The following ITPKB variants were observed in gnomAD, a reference collection of about 807,000 sequenced individuals.
ITPKB encodes the protein inositol-trisphosphate 3-kinase B, also known as IP3 3-kinase B.
In ITPKB, 13 loss-of-function variants were observed where a neutral mutation model predicts 69.4. The ratio of observed to expected loss-of-function variants is 0.19; its 90% confidence interval spans 0.12 to 0.30. The LOEUF (loss-of-function observed/expected upper bound fraction) is 0.30, where lower values mean the gene tolerates loss of function less well. ITPKB is among the 10% of genes least tolerant of loss of function. The pLI is 1.00. For synonymous variants in ITPKB, 584 were observed against 513.7 expected (o/e 1.14, Z -1.85); for missense variants, 1,240 against 1,250.5 (o/e 0.99, Z 0.13).
intron 2 of ITPKB, among the ~76,000 whole-genome samples, chr1:226,672,508 C>A (rs1422320163): frequency 6.6e-6 from 1 of 152,208 alleles, no homozygotes; most frequent in Non-Finnish European, 1.5e-5. Context: ...GAGCACTCCC[C>A]AAGGCAACTT....
intron 2 of ITPKB, among the ~76,000 whole-genome samples, chr1:226,729,778 G>A (rs1374633513): frequency 1.3e-5 from 2 of 151,918 alleles, no homozygotes; most frequent in African/African-American, 4.8e-5. Flanking sequence ...AGTATTTTTA[G>A]TAGACGAGGT....
chr1:226,735,836 G>A lies in ITPKB; in HGVS notation c.1623C>T (p.Ala541=), dbSNP rs1210829968. Residue 541 remains alanine (A), a synonymous_variant, in exon 2 of 8, where the codon GCC becomes GCT. Coordinates refer to ENST00000429204, the MANE Select transcript of ITPKB (RefSeq NM_002221.4). The stretch of plus-strand genomic sequence containing the variant: ...GGGGTAGCAGCTCCGGACTTGGGAG[G>A]GCATCACTGTCCTGCCGCTGGCTTT... The part of the protein sequence containing the change: ...TWESQRQDSD[A]LPSPELLPQD... The A allele has an allele frequency of 6.2e-7, 1 of 1,608,696 alleles. No individual in the cohort carries two copies. Among genetic ancestry groups the A allele is most frequent in the East Asian group, 2.2e-5 (1 of 44,674 alleles).
Position 226,737,263 on chromosome 1 carries a change from G to A in ITPKB, c.196C>T (p.Pro66Ser), listed in dbSNP as rs942722979. 45 of 1,553,776 alleles carry A rather than the reference G, an allele frequency of 2.9e-5. No homozygotes were observed. The highest frequency in any genetic ancestry group is 3.5e-5 in the Non-Finnish European group (41 of 1,157,154). ...CCCCCGGGGCTCCGGGGCTCCTCGG[G>A]GGACAGCGACTCGGCTGGGGGGAAG... ...FLFPPAESLSPEEPRSPGGWR... is the reference protein window; with the variant it reads ...FLFPPAESLSSEEPRSPGGWR... The change falls in exon 2 of 8, where the codon CCC becomes TCC. Residue 66 changes from proline (P) to serine (S), a missense_variant. Around this residue, in one of 2 missense-constraint regions of ITPKB, gnomAD observed 992 missense variants for 853.8 expected, o/e 1.16. Transcript: ENST00000429204.
intron 2 of ITPKB, among the ~76,000 whole-genome samples, chr1:226,699,313 C>T (rs1440253949): frequency 2.6e-5 from 4 of 152,226 alleles, no homozygotes; most frequent in African/African-American, 4.8e-5. Flanking sequence ...ATCTCTGCAC[C>T]GCCAAGCACC....
chr1:226,670,828 A>G (rs565698630), intron 2 of ITPKB, among the ~76,000 whole-genome samples: 2 of 152,356 alleles, frequency 1.3e-5, no homozygotes, highest in Admixed American at 1.3e-4. Context: ...AAATTAACCA[A>G]TTAATTAATA....
chr1:226,736,281 G>T lies in ITPKB; in HGVS notation c.1178C>A (p.Pro393Gln), dbSNP rs150169246. 1.9e-6 allele frequency: 3 copies of T among 1,598,180 alleles called. No homozygotes were observed. Among genetic ancestry groups the T allele is most frequent in the Non-Finnish European group, 2.6e-6 (3 of 1,173,616 alleles). Reference sequence around the variant, plus strand: ...TTGCACGCTCACAGTCGTCTCCTCTGGCCTTTTGCCCACTTCAGGCTCCCC... The same window carrying T: ...TTGCACGCTCACAGTCGTCTCCTCTTGCCTTTTGCCCACTTCAGGCTCCCC... ...GSGEPEVGKR[P>Q]EETTVSVQSA... The change falls in exon 2 of 8, where the codon CCA becomes CAA. Residue 393 changes from proline to glutamine, a missense_variant. Pro to Gln is a moderately conservative substitution (Grantham distance 76, BLOSUM62 -1). Coordinates refer to ENST00000429204, the MANE Select transcript of ITPKB (RefSeq NM_002221.4).
intron 2 of ITPKB, among the ~76,000 whole-genome samples, chr1:226,721,348 CAAAAA>C (rs11353595): frequency 3.1e-5 from 2 of 64,658 alleles, no homozygotes; most frequent in Non-Finnish European, 6.2e-5. Context: ...AACTCTGTCT[CAAAAA>C]AAAAAAAAAA....
chr1:226,699,174 G>A (rs992028023), intron 2 of ITPKB, among the ~76,000 whole-genome samples: 13 of 152,228 alleles, frequency 8.5e-5, no homozygotes, highest in African/African-American at 3.1e-4. Flanking sequence ...TACTCAGTGC[G>A]CTATCTGTTC....
chr1:226,635,411 A>C (rs1402661897), intron 7 of ITPKB, among the ~76,000 whole-genome samples: 1 of 152,050 alleles, frequency 6.6e-6, no homozygotes, highest in Non-Finnish European at 1.5e-5. Flanking sequence ...ATTTTTGTAG[A>C]GACAGGGTTT....
intron 2 of ITPKB, among the ~76,000 whole-genome samples, chr1:226,663,814 G>C (rs747672589): frequency 6.6e-6 from 1 of 152,186 alleles, no homozygotes; most frequent in East Asian, 1.9e-4. Flanking sequence ...GATTACAGGC[G>C]TGAGCCACCA....
chr1:226,736,622 G>C lies in ITPKB; in HGVS notation c.837C>G (p.Gly279=). ...AGCTCCGAGTTCCCGGGGTAGGAGA[G>C]CCCCTTTTGTCAATTTCCATAGCTG... is the stretch of plus-strand genomic sequence containing the variant. ...SPTAMEIDKR[G]SPTPGTRSCL... Residue 279 remains glycine (G), a synonymous_variant, in exon 2 of 8, where the codon GGC becomes GGG. Coordinates refer to ENST00000429204, the MANE Select transcript of ITPKB (RefSeq NM_002221.4). 1 of 1,613,690 alleles carries C rather than the reference G, an allele frequency of 6.2e-7. No homozygotes were observed. Among genetic ancestry groups the C allele is most frequent in the Non-Finnish European group, 8.5e-7 (1 of 1,180,006 alleles).
In ITPKB at chr1:226,637,111, G is replaced by A. The variant is rs1211582394; in HGVS notation, c.2625+568C>T. On this transcript the variant is annotated intron_variant, in intron 7 of 7. Transcript: ENST00000429204. This position sits in a 1 kb window ranked among gnomAD's most constrained non-coding sequence, Gnocchi z 4.3. Reference sequence around the variant, plus strand: ...GTGTGTGAATGTGTCATGTGGCTGGGGACCTGGACTCCCCATGTCAGGGTC... The same window carrying A: ...GTGTGTGAATGTGTCATGTGGCTGGAGACCTGGACTCCCCATGTCAGGGTC... 6.6e-6 allele frequency among the ~76,000 whole-genome samples: 1 copy of A among 152,078 alleles called. No homozygotes were observed. The highest frequency in any genetic ancestry group is 2.4e-5 in the African/African-American group (1 of 41,392).
In ITPKB at chr1:226,736,831, G is replaced by C. The variant is rs1657791180; in HGVS notation, c.628C>G (p.Pro210Ala). ...RRTKSWGEQCPETSGTDSGRK... is the reference protein window; with the variant it reads ...RRTKSWGEQCAETSGTDSGRK... ...CCGGAGTCGGTTCCTGAAGTCTCTG[G>C]ACATTGCTCCCCCCAGGACTTTGTC... Residue 210 changes from proline to alanine, a missense_variant, in exon 2 of 8, where the codon CCA (proline) becomes GCA (alanine). Transcript: ENST00000429204. 1 of 1,612,604 alleles carries C rather than the reference G, an allele frequency of 6.2e-7. No individual in the cohort carries two copies. The highest frequency in any genetic ancestry group is 8.5e-7 in the Non-Finnish European group (1 of 1,180,042).
intron 2 of ITPKB, among the ~76,000 whole-genome samples, chr1:226,659,999 A>G (rs1669370990): frequency 6.6e-6 from 1 of 152,178 alleles, no homozygotes; most frequent in Non-Finnish European, 1.5e-5. Context: ...TCACCTGCTC[A>G]CACCTGGATT....
chr1:226,714,805 C>T (rs1423390184), intron 2 of ITPKB, among the ~76,000 whole-genome samples: 1 of 152,242 alleles, frequency 6.6e-6, no homozygotes, highest in Non-Finnish European at 1.5e-5. Flanking sequence ...AGCATTCACT[C>T]ATCTGGGAAG....
chr1:226,714,553 A>G (rs908211305), intron 2 of ITPKB, among the ~76,000 whole-genome samples: 1 of 152,150 alleles, frequency 6.6e-6, no homozygotes, highest in Admixed American at 6.5e-5. Context: ...ATAGAAAACT[A>G]CCTGTCATCC....
chr1:226,722,941 TG>T (rs1261937075), intron 2 of ITPKB, among the ~76,000 whole-genome samples: 1 of 150,634 alleles, frequency 6.6e-6, no homozygotes, highest in East Asian at 2.0e-4. Flanking sequence ...CTGCTCCCCC[TG>T]CCCCCCACCC....
intron 2 of ITPKB, among the ~76,000 whole-genome samples, chr1:226,689,569 T>TATTTG (rs1553255310): frequency 3.6e-5 from 5 of 138,568 alleles, no homozygotes; most frequent in African/African-American, 1.4e-4. Flanking sequence ...AAGGTTTTAT[T>TATTTG]TGTGTGTGTG....
At position 226,637,016 on chromosome 1, in the gene ITPKB, T is replaced by A. The variant is rs937890333; in HGVS notation, c.2625+663A>T. On this transcript the variant is annotated intron_variant, in intron 7 of 7. Coordinates refer to ENST00000429204, the MANE Select transcript of ITPKB (RefSeq NM_002221.4). The surrounding 1 kb of genome is among the most constrained non-coding windows in gnomAD (Gnocchi z 4.3). ...AGTGTGATCTGTGAAGGTGTGTGCA[T>A]GTAGGGTTTATGAGTGTGATCTGTG... Among the ~76,000 whole-genome samples the A allele has an allele frequency of 6.6e-6, 1 of 151,956 alleles. No homozygotes were observed. Among genetic ancestry groups the A allele is most frequent in the African/African-American group, 2.4e-5 (1 of 41,350 alleles).
Sources: gnomAD v4.1 joint callset for allele counts (sites outside exome capture counted in the v4.1 genomes callset) on GRCh38, gnomAD v4.1.1 for gene constraint, gnomAD v4.1.1 regional missense constraint, Gnocchi (gnomAD v3.1) non-coding constraint, MANE v1.5 for transcripts, NCBI Gene and HGNC (gene_info 2026-07-23, HGNC 2026-07-21) for gene names.